The following MDGA1 variants were observed in gnomAD, a reference collection of about 807,000 sequenced individuals.
The protein encoded by MDGA1 is MAM domain containing glycosylphosphatidylinositol anchor 1.
Under a neutral mutation model 101.5 loss-of-function variants are expected in MDGA1, and 54 were observed. The ratio of observed to expected loss-of-function variants is 0.53; its 90% CI spans 0.43 to 0.67. The LOEUF (loss-of-function observed/expected upper bound fraction) is 0.67. Ranked by LOEUF, MDGA1 falls within the 30% of genes least tolerant of loss-of-function variation. The probability of loss-of-function intolerance (pLI) is 0.00; values close to 1 mark genes in which losing one functional copy is unlikely to be tolerated. For synonymous variants in MDGA1, 533 were observed against 558.3 expected, an observed-to-expected ratio of 0.95 and a Z score of 0.64; for missense variants, 1,083 against 1,323.8, an observed-to-expected ratio of 0.82 and a Z score of 2.82.
rs1554131744 is a variant in MDGA1 at position 37,635,585 on chromosome 6, C to A, written c.*1783G>T. On this transcript the variant is annotated 3_prime_UTR_variant, in exon 17 of 17. Transcript: ENST00000434837. ...GGTGATAATGATCACACAGGCCTGG[C>A]AGGGGGAGATGGGCAGCCTTTGCCT... 4 of 398,588 alleles carry A rather than the reference C, an allele frequency of 1.0e-5. No individual in the cohort carries two copies. Among genetic ancestry groups the A allele is most frequent in the Non-Finnish European group, 1.8e-5 (4 of 226,124 alleles). 24.7% of individuals were successfully genotyped at this position (398,588 alleles called of 1,614,324 possible). A position where few individuals can be genotyped will look rare whatever the true frequency, so the allele number is the denominator to read the frequency against.
intron 14 of MDGA1, among the ~76,000 whole-genome samples, chr6:37,642,147 G>GTATATATA (rs35308269): frequency 0.032 from 4,304 of 135,256 alleles, 101 homozygotes; most frequent in Non-Finnish European, 0.046. Context: ...TTATATATAT[G>GTATATATA]TATATATATA....
chr6:37,650,084 A>G (rs1177472276), intron 8 of MDGA1, 25 bp downstream of exon 8: 1 of 1,611,166 alleles, frequency 6.2e-7, no homozygotes, highest in African/African-American at 1.3e-5. Flanking sequence ...CTGGGAAGGT[A>G]GTCCGGGTGG....
intron 1 of MDGA1, among the ~76,000 whole-genome samples, chr6:37,694,615 G>C (rs2114118267): frequency 6.6e-6 from 1 of 152,280 alleles, no homozygotes; most frequent in South Asian, 2.1e-4. Flanking sequence ...CCCTTCTGCT[G>C]TATCTGGCCA....
At position 37,675,192 on chromosome 6, in the gene MDGA1, C is replaced by T. The variant is rs528251065; in HGVS notation, c.68-11086G>A. Among the ~76,000 whole-genome samples, 157 of 152,280 alleles carry T rather than the reference C, an allele frequency of 1.0e-3. 1 individual carries two copies. Among genetic ancestry groups the T allele is most frequent in the African/African-American group, 3.6e-3 (149 of 41,568 alleles). ...ATGCAAATCTGAGAGGGCTGCTCAA[C>T]GGCATAGGGTGAGGGGTAGGGAGGA... On this transcript the variant is annotated intron_variant, in intron 1 of 16. Coordinates refer to ENST00000434837, the MANE Select transcript of MDGA1 (RefSeq NM_153487.4).
At chr6:37,694,971 G>A (rs1762387419) in intron 1 of MDGA1, among the ~76,000 whole-genome samples, 1 of 152,002 alleles carries the variant, frequency 6.6e-6, no homozygotes, top group Admixed American at 6.5e-5. Flanking sequence ...AGAGACCACT[G>A]CCCCTGACTC....
chr6:37,640,390 G>T (rs529475209), intron 14 of MDGA1, among the ~76,000 whole-genome samples: 2 of 152,130 alleles, frequency 1.3e-5, no homozygotes, highest in East Asian at 3.9e-4. Context: ...CGGGGACAGG[G>T]TCTTGGTGGT....
At chr6:37,679,254 C>T (rs1187625140) in intron 1 of MDGA1, among the ~76,000 whole-genome samples, 1 of 152,010 alleles carries the variant, frequency 6.6e-6, no homozygotes, top group Non-Finnish European at 1.5e-5. Flanking sequence ...AAGAAGGACT[C>T]AGGGATGGAG....
intron 1 of MDGA1, among the ~76,000 whole-genome samples, chr6:37,695,189 C>A (rs772601801): frequency 3.3e-5 from 5 of 152,104 alleles, no homozygotes; most frequent in Non-Finnish European, 5.9e-5. Context: ...CTCTCCATCA[C>A]CCTCCCCAGC....
intron 1 of MDGA1, among the ~76,000 whole-genome samples, chr6:37,686,998 C>G (rs1762210689): frequency 6.6e-6 from 1 of 152,154 alleles, no homozygotes; most frequent in South Asian, 2.1e-4. Flanking sequence ...CCTTCAGAAA[C>G]CTCACATTTG....
intron 10 of MDGA1, 67 bp downstream of exon 10, chr6:37,647,106 G>A (rs1761221735): frequency 7.0e-7 from 1 of 1,433,800 alleles, no homozygotes; most frequent in African/African-American, 1.4e-5. Context: ...TGGCCTTGAT[G>A]AGCATTTCCA....
In MDGA1 at chr6:37,637,083, G is replaced by T; in HGVS notation, c.*285C>A. On this transcript the variant is annotated 3_prime_UTR_variant, in exon 17 of 17. Transcript: ENST00000434837. ...TTCAGGCAAGTCCCCTGTCTTTGCA[G>T]TAAAGAAGGTGCTGGCAGGTCAGAT... is the stretch of plus-strand genomic sequence containing the variant. 1 of 330,538 alleles carries T rather than the reference G, an allele frequency of 3.0e-6. No homozygotes were observed. The allele number at this position is 330,538 out of a possible 1,614,324, so 20.5% of individuals were successfully genotyped here. A position where few individuals can be genotyped will look rare whatever the true frequency, so the allele number is the denominator to read the frequency against.
chr6:37,688,018 C>A (rs577723074), intron 1 of MDGA1, among the ~76,000 whole-genome samples: 14 of 152,188 alleles, frequency 9.2e-5, no homozygotes, highest in African/African-American at 3.4e-4. Context: ...AAGTAGAAAG[C>A]CTCCTTGCTC....
At chr6:37,660,692 G>A (rs1761602542) in intron 2 of MDGA1, among the ~76,000 whole-genome samples, 2 of 151,972 alleles carry the variant, frequency 1.3e-5, no homozygotes, top group Non-Finnish European at 2.9e-5. Context: ...AAATTTTGAA[G>A]ATCCTTTCAA....
intron 1 of MDGA1, among the ~76,000 whole-genome samples, chr6:37,676,625 A>G (rs1253589143): frequency 6.7e-6 from 1 of 149,780 alleles, no homozygotes; most frequent in Non-Finnish European, 1.5e-5. Context: ...CTGGCCCAGC[A>G]TGATGGCTCA....
intron 8 of MDGA1, 185 bp downstream of exon 8, chr6:37,649,912 GATACTTGATGAA>G (rs1429545568): frequency 2.7e-6 from 2 of 734,032 alleles, no homozygotes; most frequent in Non-Finnish European, 4.8e-6. Flanking sequence ...GAAGATGGGA[GATACTTGATGAA>G]ATGGAGCAAA....
intron 2 of MDGA1, among the ~76,000 whole-genome samples, chr6:37,662,752 G>T (rs1037391397): frequency 1.3e-5 from 2 of 152,140 alleles, no homozygotes; most frequent in Non-Finnish European, 2.9e-5. Flanking sequence ...TGAAACCACT[G>T]ATGGAAATAG....
At chr6:37,687,591 T>C (rs1413776471) in intron 1 of MDGA1, among the ~76,000 whole-genome samples, 5 of 152,054 alleles carry the variant, frequency 3.3e-5, no homozygotes, top group Non-Finnish European at 7.4e-5. Flanking sequence ...TTGCTGGTTT[T>C]ACATTGAATT....
intron 1 of MDGA1, among the ~76,000 whole-genome samples, chr6:37,688,484 G>A (rs1165815417): frequency 6.6e-6 from 1 of 152,162 alleles, no homozygotes. Context: ...GTGCCCTCGA[G>A]TCTGCTCAAG....
At chr6:37,651,931 G>A in intron 7 of MDGA1, 80 bp downstream of exon 7, 1 of 1,235,856 alleles carries the variant, frequency 8.1e-7, no homozygotes, top group Non-Finnish European at 1.1e-6. Context: ...CCTTTCCCAA[G>A]CCGTTGCCTC....
Sources: allele counts gnomAD v4.1 joint callset (sites outside exome capture counted in the v4.1 genomes callset), GRCh38; gene constraint gnomAD v4.1.1; transcripts MANE v1.5; gene names NCBI Gene and HGNC (gene_info 2026-07-23, HGNC 2026-07-21).